TOR1AIP2: variants seen among roughly 807,000 people sequenced by gnomAD.
TOR1AIP2 encodes the protein torsin-1A-interacting protein 2.
TOR1AIP2 carries 20 observed loss-of-function variants against 32.6 expected under a neutral mutation model. The observed-to-expected ratio is 0.61, with a 90% confidence interval of 0.43 to 0.89. TOR1AIP2 has a LOEUF of 0.89. Ranked by LOEUF, TOR1AIP2 falls within the 40% of genes least tolerant of loss-of-function variation. The pLI is 0.00. For synonymous variants in TOR1AIP2, 214 were observed against 210.8 expected (o/e 1.02, Z -0.13); for missense variants, 456 against 553.8 (o/e 0.82, Z 1.77).
rs1486346524 is a variant in TOR1AIP2 at position 179,840,810 on chromosome 1, G to A, written c.*5261C>T. On this transcript the variant is annotated 3_prime_UTR_variant, in exon 7 of 7. Coordinates refer to ENST00000609928, the MANE Select transcript of TOR1AIP2 (RefSeq NM_001199260.2). ...CCTAATGTAGATGACGGGTTGATGG[G>A]TGCAGCAAACCACCATGGCACGTGT... The A allele has an allele frequency of 6.6e-6, 1 of 151,670 alleles. No homozygotes were observed. The highest frequency in any genetic ancestry group is 1.9e-4 in the East Asian group (1 of 5,180). The allele number at this position is 151,670 out of a possible 1,614,324, so 9.4% of individuals were successfully genotyped here.
intron 3 of TOR1AIP2, chr1:179,859,774 C>T: frequency 1.0e-6 from 1 of 985,466 alleles, no homozygotes; most frequent in Non-Finnish European, 1.2e-6. Context: ...ATACTACAGG[C>T]TCAACCTCAT....
In TOR1AIP2 at chr1:179,843,245, C is replaced by G. The variant is rs1695782519; in HGVS notation, c.*2826G>C. On this transcript the variant is annotated 3_prime_UTR_variant, in exon 7 of 7. Transcript: ENST00000609928. The stretch of plus-strand genomic sequence containing the variant: ...TTGAGGCCAGGTGCAGTGGCTCGTG[C>G]CTATAATCCTAGCACTTTGAAAGAC... 1 of 151,862 alleles carries G rather than the reference C, an allele frequency of 6.6e-6. No individual in the cohort carries two copies. Among genetic ancestry groups the G allele is most frequent in the South Asian group, 2.1e-4 (1 of 4,814 alleles). 9.4% of individuals were successfully genotyped at this position (151,862 alleles called of 1,614,324 possible).
At chr1:179,864,432 C>G in intron 3 of TOR1AIP2, 1 of 1,006,834 alleles carries the variant, frequency 9.9e-7, no homozygotes, top group South Asian at 4.6e-5. Flanking sequence ...CTATGAAGCA[C>G]ACAGTATAGG....
At position 179,847,657 on chromosome 1, in the gene TOR1AIP2, T is replaced by C. The variant is rs768753246; in HGVS notation, c.554-21A>G. Reference sequence around the variant, plus strand: ...AGCCTCTGGAGAGGAAAAGAATCAATATTATTTTTAGGCAGTACACTAATG... The same window carrying C: ...AGCCTCTGGAGAGGAAAAGAATCAACATTATTTTTAGGCAGTACACTAATG... On this transcript the variant is annotated intron_variant, in intron 5 of 6. Transcript: ENST00000609928. 11 of 1,489,520 alleles carry C rather than the reference T, an allele frequency of 7.4e-6. No individual in the cohort carries two copies. The Admixed American group carries it at 1.5e-4, about 20-fold the overall frequency. The allele number at this position is 1,489,520 out of a possible 1,614,324, so 92.3% of individuals were successfully genotyped here.
chr1:179,852,752 C>A lies in TOR1AIP2; in HGVS notation c.-87G>T. 1 of 1,599,240 alleles carries A rather than the reference C, an allele frequency of 6.3e-7. No individual in the cohort carries two copies. The highest frequency in any genetic ancestry group is 8.5e-7 in the Non-Finnish European group (1 of 1,171,980). On this transcript the variant is annotated 5_prime_UTR_variant, in exon 4 of 7. Transcript: ENST00000609928. ...GAAGATGTCTTGTTTTCTTCTTGTC[C>A]CAAGTCCCAACAGACTCATGCTTCC...
At chr1:179,864,876 G>A (rs764722273) in intron 3 of TOR1AIP2, 5 of 1,614,032 alleles carry the variant, frequency 3.1e-6, no homozygotes, top group Non-Finnish European at 4.2e-6. Context: ...CGAGAGTCAT[G>A]TATTCTTTTT....
chr1:179,847,485 G>A, intron 6 of TOR1AIP2, 50 bp downstream of exon 6: 1 of 1,241,232 alleles, frequency 8.1e-7, no homozygotes, highest in South Asian at 1.2e-5. Flanking sequence ...TTTTCACTGA[G>A]GATTTCTGAA....
intron 3 of TOR1AIP2, chr1:179,861,021 G>T: frequency 1.0e-6 from 1 of 985,412 alleles, no homozygotes; most frequent in Non-Finnish European, 1.2e-6. Flanking sequence ...CCTCTTTGGT[G>T]GATGTATTTT....
chr1:179,850,510 T>G (rs537744078), intron 5 of TOR1AIP2, among the ~76,000 whole-genome samples: 2 of 152,246 alleles, frequency 1.3e-5, no homozygotes, highest in African/African-American at 2.4e-5. Flanking sequence ...AGTCGAAATA[T>G]TCTCATAAGA....
In TOR1AIP2 at chr1:179,843,820, C is replaced by CAAAAAAAAAAAAAAAAAAA. The variant is rs397754674; in HGVS notation, c.*2232_*2250dup. The stretch of plus-strand genomic sequence containing the variant: ...TGGGAGTCAGAGTGAGACTCCATCT[C>CAAAAAAAAAAAAAAAAAAA]AAAAAAAAAAAAAAAAAAAAAAGAC... On this transcript the variant is annotated 3_prime_UTR_variant, in exon 7 of 7. Transcript: ENST00000609928. The CAAAAAAAAAAAAAAAAAAA allele has an allele frequency of 1.8e-5, 1 of 55,500 alleles. No individual in the cohort carries two copies. Among genetic ancestry groups the CAAAAAAAAAAAAAAAAAAA allele is most frequent in the Non-Finnish European group, 3.8e-5 (1 of 26,224 alleles). 3.4% of individuals were successfully genotyped at this position (55,500 alleles called of 1,614,324 possible).
intron 2 of TOR1AIP2, chr1:179,869,166 G>A (rs1012263123): frequency 6.6e-6 from 1 of 151,972 alleles, no homozygotes; most frequent in African/African-American, 2.4e-5. Context: ...AGTAGAAACG[G>A]GGTTTCTCCA....
At chr1:179,875,549 G>GTCATTACAT (rs2148462108) in intron 2 of TOR1AIP2, 1 of 152,256 alleles carries the variant, frequency 6.6e-6, no homozygotes, top group African/African-American at 2.4e-5. Flanking sequence ...TTCCAAAAAT[G>GTCATTACAT]TCATTACATT....
intron 3 of TOR1AIP2, 50 bp from the exon 4 acceptor site, chr1:179,852,861 G>T: frequency 8.1e-7 from 1 of 1,237,618 alleles, no homozygotes; most frequent in Non-Finnish European, 1.0e-6. Context: ...ATACAAGGGA[G>T]AAATGCAAGT....
In TOR1AIP2 at chr1:179,864,140, A is replaced by G. The variant is rs75198545; in HGVS notation, c.-147+1296T>C. 7,639 of 985,462 alleles carry G rather than the reference A, an allele frequency of 7.8e-3. 41 individuals are homozygous for G. The highest frequency in any genetic ancestry group is 8.5e-3 in the Non-Finnish European group (7,055 of 829,930). The allele number at this position is 985,462 out of a possible 1,614,324, so 61.0% of individuals were successfully genotyped here. ...ATTTCTGCATGTTTCTGCATAACCTATATAGGTGTTTCCTAATAGAATGTG... is the reference window on the plus strand; with the variant it reads ...ATTTCTGCATGTTTCTGCATAACCTGTATAGGTGTTTCCTAATAGAATGTG... On this transcript the variant is annotated intron_variant, in intron 3 of 6. Transcript: ENST00000609928.
At chr1:179,860,349 G>A in intron 3 of TOR1AIP2, 1 of 728,186 alleles carries the variant, frequency 1.4e-6, no homozygotes, top group Non-Finnish European at 1.7e-6. Context: ...GGGCATGGTG[G>A]TGCAAGCCTG....
chr1:179,860,721 C>T, intron 3 of TOR1AIP2: 1 of 985,184 alleles, frequency 1.0e-6, no homozygotes. Context: ...TTAATAGTAT[C>T]AGAATTAGAA....
At chr1:179,858,983 G>T in intron 3 of TOR1AIP2, 1 of 959,874 alleles carries the variant, frequency 1.0e-6, no homozygotes, top group Non-Finnish European at 1.2e-6. Flanking sequence ...TTCCAGGATG[G>T]TAGTTTAGAT....
At chr1:179,851,395 G>A (rs763777818) in intron 4 of TOR1AIP2, 32 bp from the exon 5 acceptor site, 1 of 1,435,640 alleles carries the variant, frequency 7.0e-7, no homozygotes, top group Non-Finnish European at 9.2e-7. Flanking sequence ...ATTTTTATTG[G>A]AAAAAATTCC....
chr1:179,852,616 G>A lies in TOR1AIP2; in HGVS notation c.34+16C>T, dbSNP rs1696158905. The A allele has an allele frequency of 6.2e-7, 1 of 1,613,680 alleles. No individual in the cohort carries two copies. The highest frequency in any genetic ancestry group is 1.1e-5 in the South Asian group (1 of 91,082). The stretch of plus-strand genomic sequence containing the variant: ...TCCTACAGCAGCAACCTCAGTGCCA[G>A]ACAAATCAGTCTTACCCTCTTGAGG... On this transcript the variant is annotated intron_variant, in intron 4 of 6. Coordinates refer to ENST00000609928, the MANE Select transcript of TOR1AIP2 (RefSeq NM_001199260.2).
Sources: gnomAD v4.1 joint callset for allele counts (sites outside exome capture counted in the v4.1 genomes callset) on GRCh38, gnomAD v4.1.1 for gene constraint, MANE v1.5 for transcripts, NCBI Gene and HGNC (gene_info 2026-07-23, HGNC 2026-07-21) for gene names.